FOCAD: variants seen among roughly 807,000 people sequenced by gnomAD.
FOCAD encodes the protein KIAA1797.
Under a neutral mutation model 225.6 loss-of-function variants are expected in FOCAD, and 198 were observed. That is an observed-to-expected ratio of 0.88 (90% CI 0.78 to 0.99). FOCAD has a LOEUF of 0.99. Ranked by LOEUF, FOCAD falls within the 50% of genes least tolerant of loss-of-function variation. The pLI, the probability that FOCAD is intolerant of heterozygous loss-of-function variation, is 0.00. For missense variants in FOCAD, 2,713 were observed against 2,123.6 expected (o/e 1.28, Z -5.46); for synonymous variants, 897 against 755.0 (o/e 1.19, Z -3.08).
At chr9:20,867,080 C>A in intron 18 of FOCAD, 68 bp downstream of exon 18, 1 of 1,001,106 alleles carries the variant, frequency 1.0e-6, no homozygotes, top group Non-Finnish European at 1.5e-6. Context: ...TCTCTCTCAT[C>A]TTAGGAGATA....
intron 5 of FOCAD, among the ~76,000 whole-genome samples, chr9:20,753,210 G>A (rs1828729216): frequency 6.6e-6 from 1 of 151,468 alleles, no homozygotes; most frequent in African/African-American, 2.4e-5. Flanking sequence ...AATAGGAGTG[G>A]TGAGAGAGGG....
chr9:20,852,719 T>G (rs1250325672), intron 15 of FOCAD, among the ~76,000 whole-genome samples: 1 of 151,830 alleles, frequency 6.6e-6, no homozygotes, highest in Non-Finnish European at 1.5e-5. Flanking sequence ...TATTGATTCT[T>G]AAATATGAAA....
At chr9:20,668,476 T>A (rs1202601797) in intron 2 of FOCAD, among the ~76,000 whole-genome samples, 3 of 152,234 alleles carry the variant, frequency 2.0e-5, no homozygotes, top group Admixed American at 1.3e-4. Flanking sequence ...AACAGCTAAC[T>A]ATTGTTTTCC....
At chr9:20,948,210 A>G (rs904613071) in intron 30 of FOCAD, 61 bp from the exon 31 acceptor site, 4 of 1,465,662 alleles carry the variant, frequency 2.7e-6, no homozygotes, top group Admixed American at 2.1e-5. Context: ...ATTTATAAAC[A>G]TTCTAAATCT....
chr9:20,961,138 C>T (rs1475967749), intron 35 of FOCAD, among the ~76,000 whole-genome samples: 2 of 151,678 alleles, frequency 1.3e-5, no homozygotes, highest in African/African-American at 2.4e-5. Context: ...AATGGCTCCT[C>T]TCCTCTCCTC....
chr9:20,958,226 T>C (rs1838378046), intron 35 of FOCAD, among the ~76,000 whole-genome samples: 1 of 152,170 alleles, frequency 6.6e-6, no homozygotes, highest in Non-Finnish European at 1.5e-5. Context: ...TCTTTTATAA[T>C]GTCATATTAA....
At chr9:20,952,804 C>G (rs1026772287) in intron 34 of FOCAD, among the ~76,000 whole-genome samples, 181 bp from the exon 35 acceptor site, 1 of 152,076 alleles carries the variant, frequency 6.6e-6, no homozygotes, top group Non-Finnish European at 1.5e-5. Flanking sequence ...TAAGTGATTA[C>G]TTCAAGGCCA....
chr9:20,962,263 C>CT (rs1838806670), intron 35 of FOCAD, among the ~76,000 whole-genome samples: 1 of 152,082 alleles, frequency 6.6e-6, no homozygotes, highest in African/African-American at 2.4e-5. Flanking sequence ...TGTTTAAACT[C>CT]TGTCTTTTCC....
At chr9:20,841,178 T>C (rs1276654055) in intron 15 of FOCAD, among the ~76,000 whole-genome samples, 1 of 152,032 alleles carries the variant, frequency 6.6e-6, no homozygotes, top group East Asian at 1.9e-4. Context: ...GCCTGTAATT[T>C]TCTTTTTTTA....
At position 20,955,840 on chromosome 9, in the gene FOCAD, C is replaced by A. The variant is rs546407988; in HGVS notation, c.4132+2775C>A. The stretch of plus-strand genomic sequence containing the variant: ...TATCTCATCAAGATTTTATCCACTT[C>A]TTTTATAATACATTAGAAACATATT... On this transcript the variant is annotated intron_variant, in intron 35 of 43. Coordinates refer to ENST00000338382, the MANE Select transcript of FOCAD (RefSeq NM_001375567.1). Among the ~76,000 whole-genome samples the A allele has an allele frequency of 1.1e-4, 16 of 152,206 alleles. No individual in the cohort carries two copies. The East Asian group carries it at 2.9e-3, about 28-fold the overall frequency.
At chr9:20,954,606 A>AT (rs1259906429) in intron 35 of FOCAD, among the ~76,000 whole-genome samples, 1 of 152,196 alleles carries the variant, frequency 6.6e-6, no homozygotes, top group Non-Finnish European at 1.5e-5. Context: ...TGTAGTCATC[A>AT]TACAACAGGA....
rs192526140 is a variant in FOCAD at position 20,879,640 on chromosome 9, C to T, written c.2318-2231C>T. Among the ~76,000 whole-genome samples, 5 of 152,290 alleles carry T rather than the reference C, an allele frequency of 3.3e-5. No homozygotes were observed. The South Asian group carries it at 8.3e-4, about 25-fold the overall frequency. On this transcript the variant is annotated intron_variant, in intron 19 of 43. Coordinates refer to ENST00000338382, the MANE Select transcript of FOCAD (RefSeq NM_001375567.1). ...CACTTTGTGTCCTACGAATTTTCAG[C>T]TTCTTTTTAAATTCCCATCTGGTCA...
At chr9:20,903,480 A>G (rs1009744579) in intron 21 of FOCAD, among the ~76,000 whole-genome samples, 1 of 151,954 alleles carries the variant, frequency 6.6e-6, no homozygotes, top group Non-Finnish European at 1.5e-5. Context: ...CTTTTACAAT[A>G]TAAATTAGAT....
Position 20,824,100 on chromosome 9 carries a change from A to C in FOCAD, c.1920+985A>C, listed in dbSNP as rs575052251. Among the ~76,000 whole-genome samples the C allele has an allele frequency of 7.9e-5, 12 of 152,246 alleles. No homozygotes were observed. The East Asian group carries it at 2.3e-3, about 29-fold the overall frequency. Reference sequence around the variant, plus strand: ...TGTGTGGTAAGGACAATGCTTTCACATCCTGTGCCCAATATTTGGAAAAGT... The same window carrying C: ...TGTGTGGTAAGGACAATGCTTTCACCTCCTGTGCCCAATATTTGGAAAAGT... On this transcript the variant is annotated intron_variant, in intron 15 of 43. Transcript: ENST00000338382.
chr9:20,981,715 A>C, intron 38 of FOCAD, 29 bp downstream of exon 38: 1 of 1,586,452 alleles, frequency 6.3e-7, no homozygotes. Flanking sequence ...TACATTCCTG[A>C]CAATTTATGT....
In FOCAD at chr9:20,951,086, A is replaced by T; in HGVS notation, c.4039A>T (p.Ser1347Cys). ...TCTATCTACTCTATCCTCAAGTCAA[A>T]GTAGAGCCTCTGGTAAGATTAAAGT... ...LHLSTLSSSQ[S>C]RASVPTDYSY... is the part of the protein sequence containing the mutation. The change falls in exon 34 of 44, where the codon AGT becomes TGT. Residue 1347 changes from serine (S) to cysteine (C), a missense_variant. Transcript: ENST00000338382. 6.2e-7 allele frequency: 1 copy of T among 1,613,098 alleles called. No individual in the cohort carries two copies. Among genetic ancestry groups the T allele is most frequent in the Non-Finnish European group, 8.5e-7 (1 of 1,179,148 alleles).
intron 2 of FOCAD, among the ~76,000 whole-genome samples, chr9:20,664,766 A>G (rs946021885): frequency 5.9e-5 from 9 of 151,630 alleles, no homozygotes; most frequent in Non-Finnish European, 1.2e-4. Flanking sequence ...GGCGTGAGCC[A>G]TTGTGCCCGG....
At chr9:20,695,526 C>T (rs1038220461) in intron 1 of FOCAD, among the ~76,000 whole-genome samples, 2 of 152,062 alleles carry the variant, frequency 1.3e-5, no homozygotes, top group African/African-American at 4.8e-5. Context: ...TTTCCCTGTC[C>T]CCTCATCCTA....
At chr9:20,959,463 A>G (rs1007001604) in intron 35 of FOCAD, among the ~76,000 whole-genome samples, 1 of 152,154 alleles carries the variant, frequency 6.6e-6, no homozygotes, top group African/African-American at 2.4e-5. Flanking sequence ...ATAATATGCA[A>G]ATATTTTCTC....
Sources: allele counts gnomAD v4.1 joint callset (sites outside exome capture counted in the v4.1 genomes callset), GRCh38; gene constraint gnomAD v4.1.1; transcripts MANE v1.5; gene names NCBI Gene and HGNC (gene_info 2026-07-23, HGNC 2026-07-21).